The following TBX2 variants were observed in gnomAD, a reference collection of about 807,000 sequenced individuals.
TBX2 encodes the protein T-box transcription factor TBX2.
In TBX2, 19 loss-of-function variants were observed where a neutral mutation model predicts 48.4. That is an observed-to-expected ratio of 0.39 (90% confidence interval 0.27 to 0.58). TBX2 has a LOEUF of 0.58. Among genes scored for constraint, TBX2 ranks in the 20% least tolerant of loss-of-function variants. The probability of loss-of-function intolerance (pLI) is 0.54; values close to 1 mark genes in which losing one functional copy is unlikely to be tolerated. For synonymous variants in TBX2, 522 were observed against 459.7 expected (o/e 1.14, Z -1.73); for missense variants, 994 against 1,006.5 (o/e 0.99, Z 0.17).
At position 61,405,784 on chromosome 17, in the gene TBX2, G is replaced by C; in HGVS notation, c.1634G>C (p.Ser545Thr). The C allele has an allele frequency of 7.6e-7, 1 of 1,323,392 alleles. No homozygotes were observed. Among genetic ancestry groups the C allele is most frequent in the Non-Finnish European group, 9.6e-7 (1 of 1,043,028 alleles). The allele number at this position is 1,323,392 out of a possible 1,614,324, so 82.0% of individuals were successfully genotyped here. The change falls in exon 6 of 7, where the codon AGC (serine) becomes ACC (threonine). Residue 545 changes from serine (S) to threonine (T), a missense_variant. Physicochemically the swap from Ser to Thr is moderately conservative, Grantham distance 58. This residue lies in a region of TBX2 where 639 missense variants were observed against 613.2 expected (regional missense o/e 1.04). Coordinates refer to ENST00000240328, the MANE Select transcript of TBX2 (RefSeq NM_005994.4). ...CTGGGTCCCGCGGCCAGCGCAGCAA[G>C]CACCGCCGCGCCCTTCCCGTTCCAC... ...GGLGPAASAA[S>T]TAAPFPFHLS...
rs1243799141 is a variant in TBX2 at position 61,409,154 on chromosome 17, G to T, written c.*648G>T. ...TAAGGTTCCCAGAATATGCAAATTG[G>T]TATTAATTTATTCAAAGGTGTACAT... On this transcript the variant is annotated 3_prime_UTR_variant, in exon 7 of 7. Coordinates refer to ENST00000240328, the MANE Select transcript of TBX2 (RefSeq NM_005994.4). 6.6e-6 allele frequency: 1 copy of T among 152,592 alleles called. No homozygotes were observed. The highest frequency in any genetic ancestry group is 1.5e-5 in the Non-Finnish European group (1 of 68,038). The allele number at this position is 152,592 out of a possible 1,614,324, so 9.5% of individuals were successfully genotyped here. A position where few individuals can be genotyped will look rare whatever the true frequency, so the allele number is the denominator to read the frequency against.
At position 61,403,403 on chromosome 17, in the gene TBX2, C is replaced by T. The variant is rs528108996; in HGVS notation, c.810+196C>T. On this transcript the variant is annotated intron_variant, in intron 3 of 6. Coordinates refer to ENST00000240328, the MANE Select transcript of TBX2 (RefSeq NM_005994.4). The surrounding 1 kb of genome is among the most constrained non-coding windows in gnomAD (Gnocchi z 5.8). ...TCAAGGCGCCCTCTCAATCCCACCG[C>T]GCGCACACACAGGCTCCCCTGGGGC... Among the ~76,000 whole-genome samples, 2 of 152,398 alleles carry T rather than the reference C, an allele frequency of 1.3e-5. No individual in the cohort carries two copies. The highest frequency in any genetic ancestry group is 1.3e-4 in the Admixed American group (2 of 15,312).
chr17:61,402,953 AG>A, intron 2 of TBX2, 107 bp from the exon 3 acceptor site: 4 of 145,276 alleles, frequency 2.8e-5, no homozygotes, highest in Middle Eastern at 1.0e-3. Context: ...AGAGAGAGAG[AG>A]AGAGAGAGAG....
chr17:61,406,009 C>A lies in TBX2; in HGVS notation c.1686+173C>A, dbSNP rs113958423. The A allele has an allele frequency of 6.5e-6, 4 of 614,326 alleles. No individual in the cohort carries two copies. The East Asian group carries it at 1.1e-4, about 16-fold the overall frequency. 38.1% of individuals were successfully genotyped at this position (614,326 alleles called of 1,614,324 possible). On this transcript the variant is annotated intron_variant, in intron 6 of 6. Transcript: ENST00000240328. This position sits in a 1 kb window ranked among gnomAD's most constrained non-coding sequence, Gnocchi z 5.7. ...TTTAGGACACCTGGGTTCTGAGAGA[C>A]GAGGACTGTGTTGTAAGTCCAGGGG...
intron 5 of TBX2, 43 bp downstream of exon 5, chr17:61,404,812 G>GAGA (rs761385618): frequency 2.8e-5 from 43 of 1,536,186 alleles, no homozygotes; most frequent in African/African-American, 8.2e-5. Context: ...TGGCGGCGGG[G>GAGA]GGTCCTCAGG....
At chr17:61,402,529 C>T (rs1203999422) in intron 2 of TBX2, among the ~76,000 whole-genome samples, 4 of 150,664 alleles carry the variant, frequency 2.7e-5, no homozygotes, top group African/African-American at 9.8e-5. Context: ...CCCCAGCGAA[C>T]GGGGGTGGTG....
rs1279786889 is a variant in TBX2 at position 61,400,311 on chromosome 17, C to G, written c.135C>G (p.Pro45=). 3 of 1,083,536 alleles carry G rather than the reference C, an allele frequency of 2.8e-6. No homozygotes were observed. The highest frequency in any genetic ancestry group is 1.7e-5 in the African/African-American group (1 of 58,798). The allele number at this position is 1,083,536 out of a possible 1,614,324, so 67.1% of individuals were successfully genotyped here. The change falls in exon 1 of 7, where the codon CCC becomes CCG. Residue 45 remains proline, a synonymous_variant. Coordinates refer to ENST00000240328, the MANE Select transcript of TBX2 (RefSeq NM_005994.4). This position sits in a 1 kb window ranked among gnomAD's most constrained non-coding sequence, Gnocchi z 9.2. ...PSFFPALALP[P]GALAKPLPDP... is the part of the protein sequence containing the mutation. ...TCTTCCCGGCACTCGCGCTGCCGCC[C>G]GGCGCGCTGGCCAAGCCGCTGCCCG...
At position 61,403,095 on chromosome 17, in the gene TBX2, G is replaced by T. The variant is rs754996717; in HGVS notation, c.698G>T (p.Arg233Leu). Residue 233 changes from arginine to leucine, a missense_variant, in exon 3 of 7, where the codon CGC becomes CTC. Arg to Leu is a moderately radical substitution (Grantham distance 102, BLOSUM62 -2). This residue lies in a region of TBX2 where 153 missense variants were observed against 166.2 expected (regional missense o/e 0.92). Transcript: ENST00000240328. This position sits in a 1 kb window ranked among gnomAD's most constrained non-coding sequence, Gnocchi z 5.8. ...ILNSMHKYQP[R>L]FHIVRANDIL... The stretch of plus-strand genomic sequence containing the variant: ...AACTCCATGCACAAGTACCAGCCGC[G>T]CTTCCACATAGTGCGAGCCAACGAC... The T allele has an allele frequency of 1.2e-6, 2 of 1,613,470 alleles. No individual in the cohort carries two copies. Among genetic ancestry groups the T allele is most frequent in the Non-Finnish European group, 8.5e-7 (1 of 1,179,982 alleles).
In TBX2 at chr17:61,401,771, C is replaced by T; in HGVS notation, c.483C>T (p.Asp161=). ...TGCTGATGGACATTGTAGCCGCTGA[C>T]GATTGCCGCTATAAGTTCCACAACT... The part of the protein sequence containing the change: ...YILLMDIVAA[D]DCRYKFHNSR... The change falls in exon 2 of 7, where the codon GAC becomes GAT. Residue 161 remains aspartate, a synonymous_variant. Transcript: ENST00000240328. The T allele has an allele frequency of 1.2e-6, 2 of 1,613,128 alleles. No individual in the cohort carries two copies. The highest frequency in any genetic ancestry group is 1.7e-6 in the Non-Finnish European group (2 of 1,180,010).
In TBX2 at chr17:61,400,906, T is replaced by C. The variant is rs1285752295; in HGVS notation, c.395+335T>C. Among the ~76,000 whole-genome samples the C allele has an allele frequency of 1.3e-5, 2 of 152,228 alleles. No individual in the cohort carries two copies. The highest frequency in any genetic ancestry group is 2.9e-5 in the Non-Finnish European group (2 of 68,040). ...TCTCCTCCGCCCCGCGCTCTCGCTC[T>C]TCTGCGTCCGGGTCCGTCTCCGAGC... On this transcript the variant is annotated intron_variant, in intron 1 of 6. Coordinates refer to ENST00000240328, the MANE Select transcript of TBX2 (RefSeq NM_005994.4). The surrounding 1 kb of genome is among the most constrained non-coding windows in gnomAD (Gnocchi z 9.2).
At position 61,401,759 on chromosome 17, in the gene TBX2, T is replaced by A; in HGVS notation, c.471T>A (p.Ile157=). Residue 157 remains isoleucine (I), a synonymous_variant, in exon 2 of 7, where the codon ATT becomes ATA. Coordinates refer to ENST00000240328, the MANE Select transcript of TBX2 (RefSeq NM_005994.4). The stretch of plus-strand genomic sequence containing the variant: ...CCAAGTATATCCTGCTGATGGACAT[T>A]GTAGCCGCTGACGATTGCCGCTATA... The part of the protein sequence containing the change: ...KKAKYILLMD[I]VAADDCRYKF... 6.2e-7 allele frequency: 1 copy of A among 1,613,016 alleles called. No homozygotes were observed. The highest frequency in any genetic ancestry group is 8.5e-7 in the Non-Finnish European group (1 of 1,179,998).
rs756068959 is a variant in TBX2, at chr17:61,404,487, C to T, written c.877C>T (p.Arg293Trp). The change falls in exon 4 of 7, where the codon CGG becomes TGG. Residue 293 changes from arginine (R) to tryptophan (W), a missense_variant. Arg to Trp is a moderately radical substitution (Grantham distance 101). This residue lies in a region of TBX2 where 639 missense variants were observed against 613.2 expected (regional missense o/e 1.04). Transcript: ENST00000240328. ...CTTCCGGGACACCGGGAACGGCCGG[C>T]GGGAGAAAAGGTGAGAGGCCGAGGA... Reference protein sequence around the residue: ...KGFRDTGNGRREKRKQLTLPS... With the variant: ...KGFRDTGNGRWEKRKQLTLPS... The T allele has an allele frequency of 6.2e-7, 1 of 1,611,450 alleles. No homozygotes were observed. The highest frequency in any genetic ancestry group is 8.5e-7 in the Non-Finnish European group (1 of 1,179,084).
chr17:61,401,923 C>A lies in TBX2; in HGVS notation c.635C>A (p.Thr212Asn). 6.2e-7 allele frequency: 1 copy of A among 1,607,478 alleles called. No individual in the cohort carries two copies. The highest frequency in any genetic ancestry group is 8.5e-7 in the Non-Finnish European group (1 of 1,176,196). Residue 212 changes from threonine (T) to asparagine (N), a missense_variant, in exon 2 of 7, where the codon ACC (threonine) becomes AAC (asparagine). This residue lies in a region of TBX2 where 153 missense variants were observed against 166.2 expected (regional missense o/e 0.92). Transcript: ENST00000240328. ...KPVAFHKLKL[T>N]NNISDKHGFT... ...GTGGCCTTCCACAAGCTGAAGCTGA[C>A]CAACAACATCTCTGACAAGCACGGC...
Position 61,400,140 on chromosome 17 carries a change from C to G in TBX2, c.-37C>G, listed in dbSNP as rs929854834. On this transcript the variant is annotated 5_prime_UTR_variant, in exon 1 of 7. Coordinates refer to ENST00000240328, the MANE Select transcript of TBX2 (RefSeq NM_005994.4). This position sits in a 1 kb window ranked among gnomAD's most constrained non-coding sequence, Gnocchi z 9.2. ...GGTCCGAGCCGCGCGCCCCCGGCCC[C>G]GGCCCCGGCCCCCGGGCGCCTGGGC... 11 of 984,026 alleles carry G rather than the reference C, an allele frequency of 1.1e-5. No individual in the cohort carries two copies. In the African/African-American group the frequency reaches 1.6e-4, roughly 14 times the overall value. 61.0% of individuals were successfully genotyped at this position (984,026 alleles called of 1,614,324 possible).
In TBX2 at chr17:61,400,170, T is replaced by A. The variant is rs2060257612; in HGVS notation, c.-7T>A. The A allele has an allele frequency of 3.8e-6, 4 of 1,066,374 alleles. No individual in the cohort carries two copies. The highest frequency in any genetic ancestry group is 3.4e-6 in the Non-Finnish European group (3 of 875,924). The allele number at this position is 1,066,374 out of a possible 1,614,324, so 66.1% of individuals were successfully genotyped here. A position where few individuals can be genotyped will look rare whatever the true frequency, so the allele number is the denominator to read the frequency against. On this transcript the variant is annotated 5_prime_UTR_variant, in exon 1 of 7. The change abolishes an upstream ATG in the 5' untranslated region. Coordinates refer to ENST00000240328, the MANE Select transcript of TBX2 (RefSeq NM_005994.4). This position sits in a 1 kb window ranked among gnomAD's most constrained non-coding sequence, Gnocchi z 9.2. ...CCGGCCCCCGGGCGCCTGGGCCGGA[T>A]GTCCCGATGAGAGAGCCGGCGCTGG...
rs1473559483 is a variant in TBX2, at chr17:61,405,339, C to T, written c.1189C>T (p.Arg397Trp). Residue 397 changes from arginine (R) to tryptophan (W), a missense_variant, in exon 6 of 7, where the codon CGG becomes TGG. By Grantham distance (101) the Arg-to-Trp change is moderately radical. Coordinates refer to ENST00000240328, the MANE Select transcript of TBX2 (RefSeq NM_005994.4). ...TCGCTTGACCGAACCCGAGCGCGCC[C>T]GGGAGCGGCGTAGTCCCGAGAGGGG... ...PTRLTEPERA[R>W]ERRSPERGKE... The T allele has an allele frequency of 1.3e-6, 2 of 1,545,526 alleles. No homozygotes were observed. Among genetic ancestry groups the T allele is most frequent in the South Asian group, 1.2e-5 (1 of 84,446 alleles).
At position 61,403,009 on chromosome 17, in the gene TBX2, A is replaced by C. The variant is rs2060271104; in HGVS notation, c.664-52A>C. The C allele has an allele frequency of 1.3e-6, 2 of 1,561,912 alleles. No individual in the cohort carries two copies. Among genetic ancestry groups the C allele is most frequent in the Non-Finnish European group, 1.7e-6 (2 of 1,160,404 alleles). ...AGAGGTCAGGTACCCAAAGAATAGA[A>C]AAGCTCGGGCCGGGGCTGGTGGCTG... On this transcript the variant is annotated intron_variant, in intron 2 of 6. Transcript: ENST00000240328. This position sits in a 1 kb window ranked among gnomAD's most constrained non-coding sequence, Gnocchi z 5.8.
chr17:61,400,258 G>A lies in TBX2; in HGVS notation c.82G>A (p.Ala28Thr). 1 of 1,201,650 alleles carries A rather than the reference G, an allele frequency of 8.3e-7. No individual in the cohort carries two copies. The highest frequency in any genetic ancestry group is 1.1e-6 in the Non-Finnish European group (1 of 944,368). The allele number at this position is 1,201,650 out of a possible 1,614,324, so 74.4% of individuals were successfully genotyped here. A position where few individuals can be genotyped will look rare whatever the true frequency, so the allele number is the denominator to read the frequency against. Residue 28 changes from alanine to threonine, a missense_variant, in exon 1 of 7, where the codon GCC (alanine) becomes ACC (threonine). Ala to Thr is a moderately conservative substitution (Grantham distance 58). Coordinates refer to ENST00000240328, the MANE Select transcript of TBX2 (RefSeq NM_005994.4). This position sits in a 1 kb window ranked among gnomAD's most constrained non-coding sequence, Gnocchi z 9.2. ...ACGGCCCGCCGACTTCCCCATGTCC[G>A]CCTTTCTGGCGGCGGCGCAGCCCTC... is the stretch of plus-strand genomic sequence containing the variant. ...APRPADFPMS[A>T]FLAAAQPSFF...
At position 61,405,247 on chromosome 17, in the gene TBX2, G is replaced by A. The variant is rs1297108502; in HGVS notation, c.1097G>A (p.Arg366Gln). 1.3e-6 allele frequency: 2 copies of A among 1,571,310 alleles called. No individual in the cohort carries two copies. The highest frequency in any genetic ancestry group is 1.8e-5 in the Admixed American group (1 of 56,018). ...CAADSDPEPE[R>Q]LSEERAGAPL... ...GCGGACAGCGACCCGGAGCCTGAGCGGTTGAGCGAGGAGCGTGCGGGGGCG... is the reference window on the plus strand; with the variant it reads ...GCGGACAGCGACCCGGAGCCTGAGCAGTTGAGCGAGGAGCGTGCGGGGGCG... Residue 366 changes from arginine to glutamine, a missense_variant, in exon 6 of 7, where the codon CGG becomes CAG. Coordinates refer to ENST00000240328, the MANE Select transcript of TBX2 (RefSeq NM_005994.4).
Sources: allele counts gnomAD v4.1 joint callset (sites outside exome capture counted in the v4.1 genomes callset), GRCh38; gene constraint gnomAD v4.1.1; regional missense constraint gnomAD v4.1.1; non-coding constraint Gnocchi (gnomAD v3.1); transcripts MANE v1.5; gene names NCBI Gene and HGNC (gene_info 2026-07-23, HGNC 2026-07-21).